Variants in CTDSPL observed in about 807,000 individuals in gnomAD.
The protein encoded by CTDSPL is CTD small phosphatase like.
In CTDSPL, 8 loss-of-function variants were observed where a neutral mutation model predicts 30.5. The observed-to-expected ratio is 0.26, with a 90% CI of 0.15 to 0.47. The LOEUF (loss-of-function observed/expected upper bound fraction) is 0.47. CTDSPL is among the 20% of genes least tolerant of loss of function. The pLI is 0.99. For missense variants in CTDSPL, 248 were observed against 366.1 expected (o/e 0.68, Z 2.63); for synonymous variants, 110 against 137.9 (o/e 0.80, Z 1.42).
chr3:37,982,544 T>C lies in CTDSPL; in HGVS notation c.*1677T>C. 2.2e-6 allele frequency: 1 copy of C among 456,692 alleles called. No individual in the cohort carries two copies. The highest frequency in any genetic ancestry group is 4.4e-6 in the Non-Finnish European group (1 of 226,968). The allele number at this position is 456,692 out of a possible 1,614,324, so 28.3% of individuals were successfully genotyped here. A position where few individuals can be genotyped will look rare whatever the true frequency, so the allele number is the denominator to read the frequency against. On this transcript the variant is annotated 3_prime_UTR_variant, in exon 8 of 8. Coordinates refer to ENST00000273179, the MANE Select transcript of CTDSPL (RefSeq NM_001008392.2). ...ATCGGGGGTCAAAGTAAAATATCTTTGTTTTGCTTTCATTCACAAAGTAAT... is the reference window on the plus strand; with the variant it reads ...ATCGGGGGTCAAAGTAAAATATCTTCGTTTTGCTTTCATTCACAAAGTAAT...
intron 2 of CTDSPL, among the ~76,000 whole-genome samples, chr3:37,956,683 T>A (rs1221614373): frequency 1.3e-5 from 2 of 152,232 alleles, no homozygotes; most frequent in Non-Finnish European, 2.9e-5. Flanking sequence ...CATTGTAATC[T>A]GGTGAACATG....
intron 3 of CTDSPL, among the ~76,000 whole-genome samples, chr3:37,959,985 C>T (rs2125628397): frequency 6.6e-6 from 1 of 152,270 alleles, no homozygotes; most frequent in Middle Eastern, 3.4e-3. Context: ...GGGCAGATGG[C>T]TTCAGCTCAG....
At chr3:37,951,927 C>CCT (rs1699114302) in intron 2 of CTDSPL, among the ~76,000 whole-genome samples, 1 of 152,156 alleles carries the variant, frequency 6.6e-6, no homozygotes, top group African/African-American at 2.4e-5. Flanking sequence ...CCAACAAAGA[C>CCT]CAAGACTACA....
At position 37,967,717 on chromosome 3, in the gene CTDSPL, T is replaced by C. The variant is rs1699314398; in HGVS notation, c.370-109T>C. 6 of 730,660 alleles carry C rather than the reference T, an allele frequency of 8.2e-6. No individual in the cohort carries two copies. The East Asian group carries it at 1.7e-4, about 21-fold the overall frequency. 45.3% of individuals were successfully genotyped at this position (730,660 alleles called of 1,614,324 possible). A position where few individuals can be genotyped will look rare whatever the true frequency, so the allele number is the denominator to read the frequency against. ...GCTTCATCATCCTCCTCCTGAACTG[T>C]TTTTTCCAATAACCAAAACATTGGT... On this transcript the variant is annotated intron_variant, in intron 4 of 7. Transcript: ENST00000273179.
chr3:37,875,442 G>C (rs888466942), intron 1 of CTDSPL, among the ~76,000 whole-genome samples: 1 of 152,210 alleles, frequency 6.6e-6, no homozygotes. Context: ...CTTAATATTT[G>C]ATGACTGATG....
At chr3:37,971,767 A>G (rs2125633784) in intron 6 of CTDSPL, among the ~76,000 whole-genome samples, 1 of 152,354 alleles carries the variant, frequency 6.6e-6, no homozygotes, top group Non-Finnish European at 1.5e-5. Context: ...TCCACAGTCC[A>G]GAGAATCACA....
intron 5 of CTDSPL, among the ~76,000 whole-genome samples, chr3:37,968,971 C>T (rs559508004): frequency 5.9e-5 from 9 of 152,332 alleles, no homozygotes; most frequent in East Asian, 1.9e-4. Context: ...GAAACAGTCC[C>T]GGGGAGAGGC....
In CTDSPL at chr3:37,981,768, AC is replaced by A. The variant is rs1699495044; in HGVS notation, c.*904del. The A allele has an allele frequency of 2.2e-6, 1 of 454,700 alleles. No homozygotes were observed. The highest frequency in any genetic ancestry group is 4.4e-6 in the Non-Finnish European group (1 of 226,134). The allele number at this position is 454,700 out of a possible 1,614,324, so 28.2% of individuals were successfully genotyped here. ...TAGAGCAGTTACAAGAAACCCTAAA[AC>A]CCTTGGATATAAAAGAAATCTGTTT... is the stretch of plus-strand genomic sequence containing the variant. On this transcript the variant is annotated 3_prime_UTR_variant, in exon 8 of 8. Transcript: ENST00000273179.
chr3:37,869,373 G>A (rs760450070), intron 1 of CTDSPL, among the ~76,000 whole-genome samples: 1 of 151,988 alleles, frequency 6.6e-6, no homozygotes, highest in Non-Finnish European at 1.5e-5. Context: ...TATTTTTTAA[G>A]CGACTATCAA....
intron 1 of CTDSPL, among the ~76,000 whole-genome samples, chr3:37,877,105 C>CAA (rs35298466): frequency 8.4e-4 from 71 of 84,604 alleles, no homozygotes; most frequent in Non-Finnish European, 9.5e-4. Context: ...GACTCTGTCT[C>CAA]AAAAAAAAAA....
chr3:37,934,872 A>G (rs1346236187), intron 1 of CTDSPL, among the ~76,000 whole-genome samples: 1 of 152,160 alleles, frequency 6.6e-6, no homozygotes, highest in Non-Finnish European at 1.5e-5. Flanking sequence ...TTAGAGGCCT[A>G]TTTTATACCA....
In CTDSPL at chr3:37,862,119, C is replaced by A; in HGVS notation, c.-81C>A. On this transcript the variant is annotated 5_prime_UTR_variant, in exon 1 of 8. Transcript: ENST00000273179. This position sits in a 1 kb window ranked among gnomAD's most constrained non-coding sequence, Gnocchi z 4.3. ...CTGCGAGCGCCCCCCCGCGCCGCGC[C>A]CCCGCGCCCCCCGCGCCGCGCCCCC... 2 of 540,324 alleles carry A rather than the reference C, an allele frequency of 3.7e-6. No individual in the cohort carries two copies. The highest frequency in any genetic ancestry group is 4.7e-6 in the Non-Finnish European group (2 of 429,612). The allele number at this position is 540,324 out of a possible 1,614,324, so 33.5% of individuals were successfully genotyped here. A position where few individuals can be genotyped will look rare whatever the true frequency, so the allele number is the denominator to read the frequency against.
chr3:37,936,037 C>T (rs886383330), intron 1 of CTDSPL, among the ~76,000 whole-genome samples: 2 of 152,130 alleles, frequency 1.3e-5, no homozygotes, highest in East Asian at 1.9e-4. Flanking sequence ...ACAAATAAGG[C>T]ACTCAACAAA....
At chr3:37,961,756 C>T (rs1429422788) in intron 3 of CTDSPL, among the ~76,000 whole-genome samples, 5 of 152,128 alleles carry the variant, frequency 3.3e-5, no homozygotes, top group African/African-American at 9.7e-5. Flanking sequence ...AGGAGCACAG[C>T]GTGCAGACCT....
chr3:37,922,745 T>C (rs1698732431), intron 1 of CTDSPL, among the ~76,000 whole-genome samples: 1 of 152,144 alleles, frequency 6.6e-6, no homozygotes, highest in South Asian at 2.1e-4. Flanking sequence ...CATTCCAGGT[T>C]CCAAACAAGG....
intron 2 of CTDSPL, among the ~76,000 whole-genome samples, chr3:37,947,490 GC>G (rs1276768389): frequency 6.6e-6 from 1 of 152,062 alleles, no homozygotes; most frequent in Non-Finnish European, 1.5e-5. Flanking sequence ...AACCTGGGAG[GC>G]GGAGGTTGCA....
intron 1 of CTDSPL, among the ~76,000 whole-genome samples, chr3:37,906,981 C>T (rs888007904): frequency 6.6e-6 from 1 of 152,214 alleles, no homozygotes; most frequent in Non-Finnish European, 1.5e-5. Context: ...GAGTTACAGT[C>T]ATAAACAGCT....
chr3:37,968,395 C>T (rs551048144), intron 5 of CTDSPL: 16 of 298,514 alleles, frequency 5.4e-5, no homozygotes, highest in South Asian at 3.4e-4. Context: ...TTTTCGGATC[C>T]GCAGGCTGCT....
chr3:37,907,289 A>G (rs1398633106), intron 1 of CTDSPL, among the ~76,000 whole-genome samples: 1 of 152,210 alleles, frequency 6.6e-6, no homozygotes, highest in Admixed American at 6.5e-5. Flanking sequence ...CTGCTTCAAA[A>G]TAGGTCTAAG....
Sources: allele counts gnomAD v4.1 joint callset (sites outside exome capture counted in the v4.1 genomes callset), GRCh38; gene constraint gnomAD v4.1.1; non-coding constraint Gnocchi (gnomAD v3.1); transcripts MANE v1.5; gene names NCBI Gene and HGNC (gene_info 2026-07-23, HGNC 2026-07-21).